The following LDB2 variants were observed in gnomAD, a reference collection of about 807,000 sequenced individuals.
The protein encoded by LDB2 is LIM domain-binding protein 2.
Under a neutral mutation model 44.3 loss-of-function variants are expected in LDB2, and 12 were observed. That is an observed-to-expected ratio of 0.27 (90% CI 0.17 to 0.44). LDB2 has a LOEUF of 0.44. Ranked by LOEUF, LDB2 falls within the 20% of genes least tolerant of loss-of-function variation. The probability of loss-of-function intolerance (pLI) is 1.00; values close to 1 mark genes in which losing one functional copy is unlikely to be tolerated. For synonymous variants in LDB2, 164 were observed against 174.8 expected, an observed-to-expected ratio of 0.94 and a Z score of 0.49; for missense variants, 344 against 473.5, an observed-to-expected ratio of 0.73 and a Z score of 2.54.
At chr4:16,810,449 T>C (rs1050393723) in intron 1 of LDB2, among the ~76,000 whole-genome samples, 4 of 152,234 alleles carry the variant, frequency 2.6e-5, no homozygotes, top group Non-Finnish European at 5.9e-5. Flanking sequence ...CAATTGTATA[T>C]GAGCTTCTTA....
chr4:16,853,807 G>A (rs1444640718), intron 1 of LDB2, among the ~76,000 whole-genome samples: 1 of 152,118 alleles, frequency 6.6e-6, no homozygotes, highest in Non-Finnish European at 1.5e-5. Flanking sequence ...CCAAAAGAAT[G>A]AGATCTTGCC....
chr4:16,627,304 T>C (rs1560681316), intron 2 of LDB2, among the ~76,000 whole-genome samples: 2 of 152,204 alleles, frequency 1.3e-5, no homozygotes, highest in African/African-American at 4.8e-5. Context: ...ATGTGGCCCA[T>C]ACTACTGGGA....
At chr4:16,806,198 T>C (rs571257260) in intron 1 of LDB2, among the ~76,000 whole-genome samples, 1 of 152,352 alleles carries the variant, frequency 6.6e-6, no homozygotes, top group South Asian at 2.1e-4. Flanking sequence ...TTGATTTCAG[T>C]TCCTGAGCAG....
intron 2 of LDB2, among the ~76,000 whole-genome samples, chr4:16,693,256 G>A (rs892913998): frequency 6.6e-6 from 1 of 152,058 alleles, no homozygotes; most frequent in Non-Finnish European, 1.5e-5. Flanking sequence ...AATCCATAGG[G>A]AGAAGAGCCA....
rs1193392968 is a variant in LDB2 at position 16,768,831 on chromosome 4, G to A, written c.133-9571C>T. On this transcript the variant is annotated intron_variant, in intron 1 of 7. Transcript: ENST00000304523. ...TATAAACCCCTTAAAACCTCACCAT[G>A]ACCCTATAATATAAGTAGCATTATT... is the stretch of plus-strand genomic sequence containing the variant. Among the ~76,000 whole-genome samples, 4 of 152,154 alleles carry A rather than the reference G, an allele frequency of 2.6e-5. No homozygotes were observed. The South Asian group carries it at 6.2e-4, about 24-fold the overall frequency.
At chr4:16,675,818 T>C (rs1746145156) in intron 2 of LDB2, among the ~76,000 whole-genome samples, 1 of 152,194 alleles carries the variant, frequency 6.6e-6, no homozygotes, top group African/African-American at 2.4e-5. Flanking sequence ...CAATTCAATG[T>C]GTTGAAACAT....
chr4:16,591,053 T>C (rs545053907), intron 3 of LDB2, among the ~76,000 whole-genome samples: 1 of 152,330 alleles, frequency 6.6e-6, no homozygotes, highest in South Asian at 2.1e-4. Flanking sequence ...TGAAGTGTCT[T>C]GACAAAAACA....
intron 2 of LDB2, among the ~76,000 whole-genome samples, chr4:16,610,927 G>A (rs1348140764): frequency 1.3e-5 from 2 of 152,122 alleles, no homozygotes; most frequent in Non-Finnish European, 2.9e-5. Flanking sequence ...ATTCGCCAAG[G>A]TTGAAATGAA....
At chr4:16,564,160 C>T (rs1189010135) in intron 5 of LDB2, among the ~76,000 whole-genome samples, 4 of 152,034 alleles carry the variant, frequency 2.6e-5, no homozygotes, top group African/African-American at 4.8e-5. Context: ...TTTTTGACAA[C>T]CCTCAGTGTC....
intron 1 of LDB2, among the ~76,000 whole-genome samples, chr4:16,870,838 T>C (rs960746676): frequency 3.3e-5 from 5 of 152,102 alleles, no homozygotes; most frequent in Non-Finnish European, 7.4e-5. Flanking sequence ...TTCACAATGT[T>C]GGCCAGGCTG....
chr4:16,627,908 G>C (rs1410484078), intron 2 of LDB2, among the ~76,000 whole-genome samples: 3 of 152,184 alleles, frequency 2.0e-5, no homozygotes, highest in Non-Finnish European at 4.4e-5. Context: ...TGAACACCTG[G>C]CCACTGCTAA....
At position 16,810,889 on chromosome 4, in the gene LDB2, T is replaced by C. The variant is rs150700808; in HGVS notation, c.133-51629A>G. 4.0e-3 allele frequency among the ~76,000 whole-genome samples: 607 copies of C among 152,280 alleles called. 2 individuals are homozygous for C. Among genetic ancestry groups the C allele is most frequent in the Middle Eastern group, 0.02 (6 of 294 alleles). On this transcript the variant is annotated intron_variant, in intron 1 of 7. Coordinates refer to ENST00000304523, the MANE Select transcript of LDB2 (RefSeq NM_001290.5). ...TTCTTAGTGTAAGAATAATCAGTTATAGCAACAGTCCCCAACATTTTTGGC... is the reference window on the plus strand; with the variant it reads ...TTCTTAGTGTAAGAATAATCAGTTACAGCAACAGTCCCCAACATTTTTGGC...
At chr4:16,662,887 A>T (rs888921475) in intron 2 of LDB2, among the ~76,000 whole-genome samples, 1 of 151,898 alleles carries the variant, frequency 6.6e-6, no homozygotes, top group African/African-American at 2.4e-5. Flanking sequence ...ATGAAAATGG[A>T]CTAATACATA....
chr4:16,792,197 T>A (rs920071969), intron 1 of LDB2, among the ~76,000 whole-genome samples: 2 of 152,250 alleles, frequency 1.3e-5, no homozygotes, highest in Non-Finnish European at 2.9e-5. Flanking sequence ...GAGCACTTAC[T>A]GTGTAATAGG....
At chr4:16,788,791 C>G (rs553268002) in intron 1 of LDB2, among the ~76,000 whole-genome samples, 9 of 152,310 alleles carry the variant, frequency 5.9e-5, no homozygotes, top group African/African-American at 1.9e-4. Context: ...CAAGAACAGG[C>G]AACTTTATAA....
At chr4:16,609,075 G>A (rs570435124) in intron 2 of LDB2, among the ~76,000 whole-genome samples, 7 of 152,154 alleles carry the variant, frequency 4.6e-5, no homozygotes. Flanking sequence ...AAATTGACTA[G>A]AAGACTGGTG....
Position 16,812,582 on chromosome 4 carries a change from T to TTATATATATATATATA in LDB2, c.133-53338_133-53323dup, listed in dbSNP as rs6148319. Among the ~76,000 whole-genome samples, 671 of 115,422 alleles carry TTATATATATATATATA rather than the reference T, an allele frequency of 5.8e-3. 12 individuals are homozygous for TTATATATATATATATA. The highest frequency in any genetic ancestry group is 0.017 in the African/African-American group (441 of 25,732). The allele number at this position is 115,422 out of a possible 152,430, so 75.7% of individuals were successfully genotyped here. A position where few individuals can be genotyped will look rare whatever the true frequency, so the allele number is the denominator to read the frequency against. Reference sequence around the variant, plus strand: ...ATACTTGAGGCTGGAATCAATGAAATTATATATATATATATATATATATAT... The same window carrying TTATATATATATATATA: ...ATACTTGAGGCTGGAATCAATGAAATTATATATATATATATATATATATATATATATATATATATAT... On this transcript the variant is annotated intron_variant, in intron 1 of 7. Transcript: ENST00000304523.
intron 2 of LDB2, among the ~76,000 whole-genome samples, chr4:16,660,210 G>C (rs925738226): frequency 2.6e-5 from 4 of 152,132 alleles, no homozygotes; most frequent in African/African-American, 9.7e-5. Context: ...GTTCTCTGAT[G>C]CAGAATCCTA....
At chr4:16,764,172 A>G (rs1768645703) in intron 1 of LDB2, among the ~76,000 whole-genome samples, 1 of 152,174 alleles carries the variant, frequency 6.6e-6, no homozygotes, top group African/African-American at 2.4e-5. Flanking sequence ...AAGACCAAAA[A>G]TGCTTTACAA....
Sources: allele counts gnomAD v4.1 joint callset (sites outside exome capture counted in the v4.1 genomes callset), GRCh38; gene constraint gnomAD v4.1.1; transcripts MANE v1.5; gene names NCBI Gene and HGNC (gene_info 2026-07-23, HGNC 2026-07-21).